Variants in PARN observed in about 807,000 individuals in gnomAD.
PARN encodes the protein poly(A)-specific ribonuclease.
A neutral mutation model predicts 102.8 loss-of-function variants in PARN; 71 were observed. The ratio of observed to expected loss-of-function variants is 0.69; its 90% CI spans 0.57 to 0.84. PARN has a LOEUF of 0.84. PARN is among the 40% of genes least tolerant of loss of function. PARN has a pLI of 0.00. For synonymous variants in PARN, 261 were observed against 252.9 expected (o/e 1.03, Z -0.30); for missense variants, 782 against 760.9 (o/e 1.03, Z -0.33).
intron 22 of PARN, among the ~76,000 whole-genome samples, chr16:14,456,303 G>T (rs1175010962): frequency 6.6e-6 from 1 of 151,980 alleles, no homozygotes; most frequent in Non-Finnish European, 1.5e-5. Flanking sequence ...CTGAGTAGCT[G>T]GGACTACAGG....
intron 22 of PARN, among the ~76,000 whole-genome samples, chr16:14,454,137 T>C (rs1304597432): frequency 6.6e-6 from 1 of 152,208 alleles, no homozygotes; most frequent in Non-Finnish European, 1.5e-5. Flanking sequence ...CATATGATCA[T>C]GATACAACTA....
chr16:14,623,713 T>C (rs1025728592), intron 5 of PARN, among the ~76,000 whole-genome samples: 2 of 151,410 alleles, frequency 1.3e-5, no homozygotes, highest in Non-Finnish European at 2.9e-5. Flanking sequence ...GGCAGGTGCC[T>C]GTAGTCCCAG....
intron 21 of PARN, among the ~76,000 whole-genome samples, chr16:14,506,335 C>T (rs865985132): frequency 6.6e-6 from 1 of 151,790 alleles, no homozygotes. Flanking sequence ...AGCTTGGATC[C>T]AAAAATAAAA....
At chr16:14,497,492 A>G (rs58285093) in intron 21 of PARN, among the ~76,000 whole-genome samples, 20,191 of 152,080 alleles carry the variant, frequency 0.13, 1,610 homozygotes, top group African/African-American at 0.21. Context: ...CACACACACC[A>G]CCTGCATCAA....
chr16:14,629,960 C>G lies in PARN; in HGVS notation c.19+147G>C, dbSNP rs1158607136. On this transcript the variant is annotated intron_variant, in intron 1 of 23. Transcript: ENST00000437198. ...CACGGTCCGCAGCCGGAAAAGACCC[C>G]AAGAGGCGCACCGGCTTAAGGAGGG... 13 of 747,524 alleles carry G rather than the reference C, an allele frequency of 1.7e-5. No homozygotes were observed. The South Asian group carries it at 2.2e-4, about 12-fold the overall frequency. 46.3% of individuals were successfully genotyped at this position (747,524 alleles called of 1,614,324 possible).
At chr16:14,478,818 G>T (rs1963216652) in intron 22 of PARN, among the ~76,000 whole-genome samples, 1 of 152,142 alleles carries the variant, frequency 6.6e-6, no homozygotes, top group African/African-American at 2.4e-5. Flanking sequence ...TCTCGCTCTT[G>T]TCCCCCAGGC....
chr16:14,555,359 T>C (rs370017596), intron 19 of PARN, among the ~76,000 whole-genome samples: 15 of 152,328 alleles, frequency 9.8e-5, no homozygotes, highest in African/African-American at 3.6e-4. Flanking sequence ...TAAAAATCTA[T>C]TATAAATACT....
intron 5 of PARN, among the ~76,000 whole-genome samples, chr16:14,625,534 T>C (rs1323287094): frequency 6.6e-6 from 1 of 152,174 alleles, no homozygotes; most frequent in Non-Finnish European, 1.5e-5. Context: ...AAATACTCTT[T>C]AAGTATCCCA....
intron 21 of PARN, among the ~76,000 whole-genome samples, chr16:14,506,291 A>G (rs1964891860): frequency 6.6e-6 from 1 of 152,270 alleles, no homozygotes; most frequent in Non-Finnish European, 1.5e-5. Context: ...CTAAAGAGCC[A>G]TGATGACTAA....
rs533524976 is a variant in PARN at position 14,622,361 on chromosome 16, T to C, written c.328-4711A>G. ...TACAAAAAGATATACTGAACACAGA[T>C]GTTGACTATAGAATTGCTGATAACC... On this transcript the variant is annotated intron_variant, in intron 5 of 23. Coordinates refer to ENST00000437198, the MANE Select transcript of PARN (RefSeq NM_002582.4). Among the ~76,000 whole-genome samples, 157 of 152,338 alleles carry C rather than the reference T, an allele frequency of 1.0e-3. 1 individual carries two copies. Among genetic ancestry groups the C allele is most frequent in the African/African-American group, 3.4e-3 (143 of 41,576 alleles).
chr16:14,498,797 A>G (rs1482174894), intron 21 of PARN, among the ~76,000 whole-genome samples: 1 of 152,234 alleles, frequency 6.6e-6, no homozygotes, highest in East Asian at 1.9e-4. Context: ...TTCGAAAAAG[A>G]GTTACACTTC....
intron 23 of PARN, among the ~76,000 whole-genome samples, chr16:14,442,024 T>C (rs1246818931): frequency 6.6e-6 from 1 of 152,318 alleles, no homozygotes; most frequent in South Asian, 2.1e-4. Context: ...AAAAAGACTT[T>C]GAACAATGTC....
intron 18 of PARN, among the ~76,000 whole-genome samples, chr16:14,565,517 T>C (rs1349941041): frequency 6.6e-6 from 1 of 151,658 alleles, no homozygotes; most frequent in East Asian, 1.9e-4. Context: ...AAATTAAACA[T>C]TATACAAAGG....
chr16:14,601,343 A>C (rs1266096811), intron 11 of PARN, among the ~76,000 whole-genome samples: 1 of 152,202 alleles, frequency 6.6e-6, no homozygotes, highest in East Asian at 1.9e-4. Context: ...GCTAAGAGAA[A>C]TAAGCCAGTC....
chr16:14,557,230 G>A (rs951764319), intron 18 of PARN, among the ~76,000 whole-genome samples: 8 of 151,950 alleles, frequency 5.3e-5, no homozygotes, highest in African/African-American at 1.9e-4. Flanking sequence ...TGGCTTCACG[G>A]ACCCACAGTT....
intron 21 of PARN, among the ~76,000 whole-genome samples, chr16:14,490,621 C>G (rs1964008783): frequency 6.6e-6 from 1 of 152,210 alleles, no homozygotes; most frequent in Admixed American, 6.5e-5. Flanking sequence ...GACGCCCTCT[C>G]TGACACCCTT....
chr16:14,490,517 A>G (rs1015044772), intron 21 of PARN, among the ~76,000 whole-genome samples: 3 of 152,224 alleles, frequency 2.0e-5, no homozygotes, highest in South Asian at 4.1e-4. Flanking sequence ...GTGTTACTCC[A>G]CAATCAGAAG....
intron 18 of PARN, among the ~76,000 whole-genome samples, chr16:14,579,058 C>T (rs2151746152): frequency 6.6e-6 from 1 of 151,854 alleles, no homozygotes; most frequent in African/African-American, 2.4e-5. Context: ...GTGATCTTGG[C>T]TCACTGCAGC....
chr16:14,553,536 C>T (rs977824702), intron 20 of PARN, among the ~76,000 whole-genome samples: 5 of 152,132 alleles, frequency 3.3e-5, no homozygotes, highest in Non-Finnish European at 4.4e-5. Context: ...AAATAAGAGG[C>T]ATTGCTGTGG....
Sources: gnomAD v4.1 joint callset for allele counts (sites outside exome capture counted in the v4.1 genomes callset) on GRCh38, gnomAD v4.1.1 for gene constraint, MANE v1.5 for transcripts, NCBI Gene and HGNC (gene_info 2026-07-23, HGNC 2026-07-21) for gene names.